OR3A2: variants seen among roughly 807,000 people sequenced by gnomAD.
OR3A2 encodes olfactory receptor 3A2.
For synonymous variants in OR3A2, 126 were observed against 159.3 expected (o/e 0.79, Z 1.57); for missense variants, 318 against 392.8 (o/e 0.81, Z 1.61).
intron 3 of OR3A2, among the ~76,000 whole-genome samples, chr17:3,300,261 T>C (rs1270765894): frequency 6.6e-6 from 1 of 152,064 alleles, no homozygotes; most frequent in Non-Finnish European, 1.5e-5. Context: ...CAAATGTAAA[T>C]TAAAATCACA....
At chr17:3,367,940 G>C (rs2049578524) in intron 2 of OR3A2, among the ~76,000 whole-genome samples, 1 of 152,070 alleles carries the variant, frequency 6.6e-6, no homozygotes, top group Admixed American at 6.6e-5. Context: ...ATTCTAGCAG[G>C]AGTAAGCTGG....
chr17:3,306,553 T>TG (rs1336329116), intron 3 of OR3A2, among the ~76,000 whole-genome samples: 1 of 151,802 alleles, frequency 6.6e-6, no homozygotes, highest in Admixed American at 6.6e-5. Flanking sequence ...AGAGTGTTTG[T>TG]GGGGGGTGGG....
chr17:3,291,928 T>C (rs912103658), intron 3 of OR3A2: 2 of 1,613,938 alleles, frequency 1.2e-6, no homozygotes, highest in Admixed American at 1.7e-5. Context: ...ATATAGGAGA[T>C]GACAATGAGA....
chr17:3,367,127 A>C (rs1433695955), intron 2 of OR3A2, among the ~76,000 whole-genome samples: 1 of 152,180 alleles, frequency 6.6e-6, no homozygotes, highest in Non-Finnish European at 1.5e-5. Context: ...GGAAGCAATG[A>C]CCTATCAGGG....
At chr17:3,325,053 T>C (rs1411995065) in intron 3 of OR3A2, among the ~76,000 whole-genome samples, 1 of 152,054 alleles carries the variant, frequency 6.6e-6, no homozygotes, top group Non-Finnish European at 1.5e-5. Flanking sequence ...CAAGTTCATA[T>C]TGTCATCTAT....
intron 3 of OR3A2, among the ~76,000 whole-genome samples, chr17:3,295,020 AC>A (rs2048908214): frequency 6.6e-6 from 1 of 152,062 alleles, no homozygotes; most frequent in South Asian, 2.1e-4. Context: ...AAAAATAGGA[AC>A]TCTGCAGTCT....
chr17:3,372,455 T>C (rs1160806021), intron 2 of OR3A2, among the ~76,000 whole-genome samples: 1 of 151,972 alleles, frequency 6.6e-6, no homozygotes, highest in Non-Finnish European at 1.5e-5. Flanking sequence ...CTCGGCACTT[T>C]GGGAGGCCAA....
chr17:3,317,412 AT>A (rs1254179382), intron 3 of OR3A2, among the ~76,000 whole-genome samples: 1 of 152,260 alleles, frequency 6.6e-6, no homozygotes, highest in Non-Finnish European at 1.5e-5. Flanking sequence ...ATAAGGACAA[AT>A]AAATACAAAT....
At chr17:3,351,905 C>T (rs533210844) in intron 2 of OR3A2, among the ~76,000 whole-genome samples, 10 of 152,110 alleles carry the variant, frequency 6.6e-5, no homozygotes, top group African/African-American at 2.4e-4. Flanking sequence ...TGATCTTTGA[C>T]AAACCTGAGA....
chr17:3,287,699 T>G (rs146012325), upstream of OR3A2, among the ~76,000 whole-genome samples: 402 of 152,300 alleles, frequency 2.6e-3, 2 homozygotes, highest in Non-Finnish European at 2.7e-3. Context: ...ATTTATCACG[T>G]GTCATTTCCC....
intron 2 of OR3A2, chr17:3,377,552 C>T (rs560517898): frequency 5.9e-5 from 9 of 152,280 alleles, no homozygotes; most frequent in African/African-American, 1.9e-4. Flanking sequence ...GTTTGTTCCT[C>T]GGGCTTTAGA....
chr17:3,352,297 C>T (rs1457020895), intron 2 of OR3A2, among the ~76,000 whole-genome samples: 1 of 151,846 alleles, frequency 6.6e-6, no homozygotes, highest in Non-Finnish European at 1.5e-5. Flanking sequence ...GTTGCCTCTG[C>T]TTGTGGAATA....
At chr17:3,319,449 A>G (rs2049102008) in intron 3 of OR3A2, among the ~76,000 whole-genome samples, 1 of 152,112 alleles carries the variant, frequency 6.6e-6, no homozygotes, top group South Asian at 2.1e-4. Flanking sequence ...ATATGTATAC[A>G]TGCGCCATGT....
At chr17:3,318,623 TGCTTCA>T (rs1228186333) in intron 3 of OR3A2, among the ~76,000 whole-genome samples, 1 of 152,240 alleles carries the variant, frequency 6.6e-6, no homozygotes, top group Non-Finnish European at 1.5e-5. Context: ...TAAATGCATC[TGCTTCA>T]GTGTTTGCAA....
intron 2 of OR3A2, among the ~76,000 whole-genome samples, chr17:3,353,797 A>C (rs1330195251): frequency 6.6e-6 from 1 of 151,766 alleles, no homozygotes; most frequent in Admixed American, 6.6e-5. Context: ...CACCTCAAGC[A>C]CTTATGTTTC....
chr17:3,369,357 A>G (rs2049591382), intron 2 of OR3A2, among the ~76,000 whole-genome samples: 2 of 152,158 alleles, frequency 1.3e-5, no homozygotes, highest in South Asian at 2.1e-4. Flanking sequence ...GTTCAGTATA[A>G]TGTTGGCTGT....
intron 2 of OR3A2, among the ~76,000 whole-genome samples, chr17:3,352,272 T>C (rs948488817): frequency 6.6e-6 from 1 of 151,978 alleles, no homozygotes; most frequent in Non-Finnish European, 1.5e-5. Context: ...ATCTCATTTG[T>C]CCATTTTTGC....
intron 2 of OR3A2, among the ~76,000 whole-genome samples, chr17:3,372,880 A>AG (rs1334601106): frequency 1.4e-5 from 1 of 72,826 alleles, no homozygotes; most frequent in Non-Finnish European, 2.9e-5. Flanking sequence ...AGGGAGAGGG[A>AG]GAGGGAGAGG....
intron 2 of OR3A2, among the ~76,000 whole-genome samples, chr17:3,376,217 T>C (rs536617708): frequency 6.6e-6 from 1 of 152,340 alleles, no homozygotes; most frequent in Admixed American, 6.5e-5. Context: ...TGGCTTTAGA[T>C]TGTTGGCCCC....
Sources: gnomAD v4.1 joint callset for allele counts (sites outside exome capture counted in the v4.1 genomes callset) on GRCh38, gnomAD v4.1.1 for gene constraint, MANE v1.5 for transcripts, NCBI Gene and HGNC (gene_info 2026-07-23, HGNC 2026-07-21) for gene names.